The following STRN3 variants were observed in gnomAD, a reference collection of about 807,000 sequenced individuals.
The protein encoded by STRN3 is striatin-3.
STRN3 carries 29 observed loss-of-function variants against 95.6 expected under a neutral mutation model. The observed-to-expected ratio is 0.30, with a 90% CI of 0.23 to 0.41. STRN3 has a LOEUF of 0.41. STRN3 is among the 10% of genes least tolerant of loss of function. The pLI is 1.00. For synonymous variants in STRN3, 331 were observed against 357.6 expected (o/e 0.93, Z 0.84); for missense variants, 890 against 972.1 (o/e 0.92, Z 1.12).
intron 1 of STRN3, among the ~76,000 whole-genome samples, chr14:30,978,234 G>A (rs541005628): frequency 1.2e-4 from 18 of 152,080 alleles, no homozygotes; most frequent in South Asian, 6.2e-4. Context: ...TATCTCTCAT[G>A]AGCATAGATG....
At chr14:30,917,783 A>G (rs889726847) in intron 9 of STRN3, among the ~76,000 whole-genome samples, 2 of 152,198 alleles carry the variant, frequency 1.3e-5, no homozygotes, top group Non-Finnish European at 2.9e-5. Flanking sequence ...AACTGTAAGG[A>G]AACTGTGCCA....
chr14:31,008,983 G>A (rs974099287), intron 1 of STRN3, among the ~76,000 whole-genome samples: 4 of 151,992 alleles, frequency 2.6e-5, no homozygotes, highest in Non-Finnish European at 5.9e-5. Flanking sequence ...AGGTTGCAAT[G>A]AGCCGTGATT....
intron 1 of STRN3, among the ~76,000 whole-genome samples, chr14:31,020,277 T>A (rs1883443517): frequency 6.6e-6 from 1 of 151,968 alleles, no homozygotes; most frequent in African/African-American, 2.4e-5. Context: ...GGCAGGCGGA[T>A]TACTTGAGGT....
At chr14:30,984,355 G>C (rs1881574919) in intron 1 of STRN3, among the ~76,000 whole-genome samples, 1 of 148,690 alleles carries the variant, frequency 6.7e-6, no homozygotes, top group Admixed American at 6.7e-5. Flanking sequence ...AGTGAGCTGA[G>C]ATCATGCCAC....
At chr14:30,995,608 A>G (rs537263884) in intron 1 of STRN3, among the ~76,000 whole-genome samples, 1 of 152,334 alleles carries the variant, frequency 6.6e-6, no homozygotes, top group East Asian at 1.9e-4. Flanking sequence ...AATTAAAACC[A>G]AAACAGCTCA....
intron 8 of STRN3, among the ~76,000 whole-genome samples, chr14:30,927,369 TA>T (rs971708002): frequency 7.5e-4 from 113 of 150,978 alleles, no homozygotes; most frequent in African/African-American, 2.2e-3. Context: ...TTTTTTTAAT[TA>T]AAAAAAAAAT....
At chr14:30,934,659 T>C (rs1294092813) in intron 7 of STRN3, among the ~76,000 whole-genome samples, 1 of 152,144 alleles carries the variant, frequency 6.6e-6, no homozygotes, top group Non-Finnish European at 1.5e-5. Flanking sequence ...CTTCATTAAA[T>C]TGTGCTCAAT....
chr14:30,997,510 T>A (rs1374816176), intron 1 of STRN3, among the ~76,000 whole-genome samples: 1 of 152,208 alleles, frequency 6.6e-6, no homozygotes, highest in Non-Finnish European at 1.5e-5. Context: ...GCAAAGCATC[T>A]GTTGTTTTTC....
At chr14:30,924,113 C>T (rs1436579188) in intron 8 of STRN3, among the ~76,000 whole-genome samples, 2 of 150,066 alleles carry the variant, frequency 1.3e-5, no homozygotes, top group Non-Finnish European at 3.0e-5. Flanking sequence ...TCTTGATTTT[C>T]ATGACTGTAC....
chr14:31,020,199 T>C (rs916434835), intron 1 of STRN3, among the ~76,000 whole-genome samples: 4 of 152,200 alleles, frequency 2.6e-5, no homozygotes, highest in African/African-American at 4.8e-5. Context: ...ATGTCAACCA[T>C]ATAGAAAGTG....
At position 30,955,817 on chromosome 14, in the gene STRN3, C is replaced by T. The variant is rs181572551; in HGVS notation, c.387-124G>A. ...TTCTTTAAACTTTGTTTGCAAAGAACATTGAAGACTATATTGCTGTAAAAG... is the reference window on the plus strand; with the variant it reads ...TTCTTTAAACTTTGTTTGCAAAGAATATTGAAGACTATATTGCTGTAAAAG... On this transcript the variant is annotated intron_variant, in intron 2 of 17. Coordinates refer to ENST00000357479, the MANE Select transcript of STRN3 (RefSeq NM_001083893.2). 1,459 of 821,648 alleles carry T rather than the reference C, an allele frequency of 1.8e-3. 3 individuals are homozygous for T. Among genetic ancestry groups the T allele is most frequent in the Admixed American group, 2.0e-3 (55 of 27,728 alleles). 50.9% of individuals were successfully genotyped at this position (821,648 alleles called of 1,614,324 possible). A position where few individuals can be genotyped will look rare whatever the true frequency, so the allele number is the denominator to read the frequency against.
chr14:30,917,142 C>G (rs762335829), intron 9 of STRN3, among the ~76,000 whole-genome samples: 1 of 152,204 alleles, frequency 6.6e-6, no homozygotes, highest in Non-Finnish European at 1.5e-5. Flanking sequence ...GCCTTCTTAG[C>G]TTGAAGTCAA....
intron 1 of STRN3, among the ~76,000 whole-genome samples, chr14:30,986,394 G>C (rs1881694936): frequency 6.6e-6 from 1 of 152,224 alleles, no homozygotes; most frequent in East Asian, 1.9e-4. Context: ...AGAAATGTGT[G>C]CTTGGCTGAA....
intron 1 of STRN3, among the ~76,000 whole-genome samples, chr14:30,987,210 T>G (rs947521274): frequency 6.6e-6 from 1 of 152,094 alleles, no homozygotes; most frequent in Non-Finnish European, 1.5e-5. Flanking sequence ...AAAGAAAATA[T>G]AAAATACAAT....
chr14:30,932,977 T>C (rs1240788643), intron 7 of STRN3, among the ~76,000 whole-genome samples: 1 of 152,112 alleles, frequency 6.6e-6, no homozygotes, highest in Non-Finnish European at 1.5e-5. Context: ...GTTATCCAGC[T>C]ATTAAAAATG....
In STRN3 at chr14:30,970,732, A is replaced by C. The variant is rs190000860; in HGVS notation, c.283-14490T>G. Reference sequence around the variant, plus strand: ...GACAAGGCCAAGATAGCGATGGTAAAAGTTAAAGACTTAAAACAAACTTTG... The same window carrying C: ...GACAAGGCCAAGATAGCGATGGTAACAGTTAAAGACTTAAAACAAACTTTG... On this transcript the variant is annotated intron_variant, in intron 1 of 17. Transcript: ENST00000357479. Among the ~76,000 whole-genome samples the C allele has an allele frequency of 2.5e-3, 388 of 152,356 alleles. 5 individuals carry two copies. The highest frequency in any genetic ancestry group is 1.4e-3 in the South Asian group (7 of 4,830).
rs1257182556 is a variant in STRN3, at chr14:30,894,520, T to C, written c.*891A>G. On this transcript the variant is annotated 3_prime_UTR_variant, in exon 18 of 18. Coordinates refer to ENST00000357479, the MANE Select transcript of STRN3 (RefSeq NM_001083893.2). ...ACAGTAAGATGTACAAAATATCACA[T>C]AGTGATAGGATGCCAAGATTAGTTT... The C allele has an allele frequency of 6.5e-6, 1 of 152,744 alleles. No homozygotes were observed. The highest frequency in any genetic ancestry group is 1.5e-5 in the Non-Finnish European group (1 of 68,122). 9.5% of individuals were successfully genotyped at this position (152,744 alleles called of 1,614,324 possible).
chr14:30,904,636 A>C (rs1464372857), intron 15 of STRN3, among the ~76,000 whole-genome samples: 1 of 152,186 alleles, frequency 6.6e-6, no homozygotes, highest in African/African-American at 2.4e-5. Flanking sequence ...GGGAATGATA[A>C]AATTAGAAAA....
chr14:30,935,729 G>A (rs1878783766), intron 6 of STRN3, among the ~76,000 whole-genome samples: 1 of 152,106 alleles, frequency 6.6e-6, no homozygotes, highest in Admixed American at 6.5e-5. Flanking sequence ...TTATAATAGT[G>A]CTTTACCTTC....
Sources: gnomAD v4.1 joint callset for allele counts (sites outside exome capture counted in the v4.1 genomes callset) on GRCh38, gnomAD v4.1.1 for gene constraint, MANE v1.5 for transcripts, NCBI Gene and HGNC (gene_info 2026-07-23, HGNC 2026-07-21) for gene names.